Variants in LZTFL1 observed in about 807,000 individuals in gnomAD.
The protein encoded by LZTFL1 is leucine zipper transcription factor like 1.
Under a neutral mutation model 45.9 loss-of-function variants are expected in LZTFL1, and 25 were observed. The observed-to-expected ratio is 0.54, with a 90% confidence interval of 0.40 to 0.76. The LOEUF is 0.76. LZTFL1 is among the 30% of genes least tolerant of loss of function. LZTFL1 has a pLI of 0.00. For synonymous variants in LZTFL1, 93 were observed against 117.4 expected (o/e 0.79, Z 1.35); for missense variants, 277 against 331.1 (o/e 0.84, Z 1.27).
chr3:45,884,029 C>G (rs1219895894), intron 2 of LZTFL1: 2 of 220,492 alleles, frequency 9.1e-6, no homozygotes, highest in Non-Finnish European at 1.9e-5. Context: ...GAGATCTGAG[C>G]AGGTCTGACA....
intron 2 of LZTFL1, among the ~76,000 whole-genome samples, chr3:45,868,994 C>G (rs1184192370): frequency 6.6e-6 from 1 of 152,170 alleles, no homozygotes; most frequent in Non-Finnish European, 1.5e-5. Flanking sequence ...TTAATAAGAT[C>G]CCCACTTTGA....
intron 2 of LZTFL1, among the ~76,000 whole-genome samples, chr3:45,906,657 G>A (rs1702683704): frequency 6.6e-6 from 1 of 152,204 alleles, no homozygotes; most frequent in African/African-American, 2.4e-5. Flanking sequence ...AAGGACAATG[G>A]TGTCATCTTC....
Position 45,901,004 on chromosome 3 carries a change from C to T in LZTFL1, c.-215+12116G>A, listed in dbSNP as rs1317593454. 1.2e-6 allele frequency: 2 copies of T among 1,614,062 alleles called. No individual in the cohort carries two copies. The highest frequency in any genetic ancestry group is 1.1e-5 in the South Asian group (1 of 91,080). On this transcript the variant is annotated intron_variant, in intron 2 of 4. Coordinates refer to the LZTFL1 transcript ENST00000472635. The surrounding 1 kb of genome is among the most constrained non-coding windows in gnomAD (Gnocchi z 4.3). ...TGGGCAACAGTCTTGTTATCCTTGT[C>T]TACTGGTACTGCACAAGAGTGAAGA...
At chr3:45,907,753 G>T (rs1205751864) in intron 2 of LZTFL1, among the ~76,000 whole-genome samples, 10 of 152,136 alleles carry the variant, frequency 6.6e-5, no homozygotes, top group Non-Finnish European at 1.5e-4. Flanking sequence ...TAATTCGCTA[G>T]TATTCTTCTT....
intron 2 of LZTFL1, among the ~76,000 whole-genome samples, chr3:45,906,386 G>A (rs762990086): frequency 2.0e-5 from 3 of 152,170 alleles, no homozygotes; most frequent in Non-Finnish European, 4.4e-5. Flanking sequence ...GAGATACCAA[G>A]TAACTCATCT....
intron 2 of LZTFL1, chr3:45,883,831 G>C (rs953293077): frequency 7.5e-6 from 4 of 530,732 alleles, no homozygotes; most frequent in Non-Finnish European, 1.4e-5. Flanking sequence ...TTGCAGCCAC[G>C]GAGTAGGCCA....
At chr3:45,827,838 ATTC>A (rs1302625978) in intron 8 of LZTFL1, among the ~76,000 whole-genome samples, 7 of 152,046 alleles carry the variant, frequency 4.6e-5, no homozygotes, top group Non-Finnish European at 5.9e-5. Flanking sequence ...TAGCTCCCAT[ATTC>A]TTTTTTCCCA....
intron 2 of LZTFL1, among the ~76,000 whole-genome samples, chr3:45,907,627 G>C (rs1477688414): frequency 6.6e-6 from 1 of 152,180 alleles, no homozygotes; most frequent in Non-Finnish European, 1.5e-5. Context: ...GATGTGGCTC[G>C]CTGCGTGGGC....
At chr3:45,899,695 G>T (rs79587259) in intron 2 of LZTFL1, among the ~76,000 whole-genome samples, 1 of 152,090 alleles carries the variant, frequency 6.6e-6, no homozygotes, top group Non-Finnish European at 1.5e-5. Flanking sequence ...AAGTGAGAGC[G>T]CTTGAAGATC....
chr3:45,909,111 T>G (rs1448047541), intron 2 of LZTFL1, among the ~76,000 whole-genome samples: 1 of 152,202 alleles, frequency 6.6e-6, no homozygotes, highest in Non-Finnish European at 1.5e-5. Flanking sequence ...CTGTCTCCCA[T>G]TACCCCGATG....
intron 1 of LZTFL1, among the ~76,000 whole-genome samples, chr3:45,840,099 C>T (rs1701068331): frequency 6.6e-6 from 1 of 152,138 alleles, no homozygotes. Context: ...GTGCCTTGTG[C>T]CAGCAGGTGG....
intron 2 of LZTFL1, among the ~76,000 whole-genome samples, chr3:45,895,977 T>A (rs546173248): frequency 6.6e-5 from 10 of 152,334 alleles, no homozygotes; most frequent in Admixed American, 2.0e-4. Flanking sequence ...GTTTCCATGA[T>A]CTATGGAGAG....
At position 45,884,690 on chromosome 3, in the gene LZTFL1, G is replaced by A. The variant is rs945586545; in HGVS notation, c.-214-25674C>T. On this transcript the variant is annotated intron_variant, in intron 2 of 4. Coordinates refer to the LZTFL1 transcript ENST00000472635. ...GATGAGGAAACAGCCTGAGTCAAGAGAAGGGAGAAGCACAGGCTTTTCCTC... is the reference window on the plus strand; with the variant it reads ...GATGAGGAAACAGCCTGAGTCAAGAAAAGGGAGAAGCACAGGCTTTTCCTC... Among the ~76,000 whole-genome samples the A allele has an allele frequency of 7.3e-4, 111 of 152,292 alleles. 1 individual carries two copies. The highest frequency in any genetic ancestry group is 2.6e-3 in the African/African-American group (109 of 41,542).
intron 1 of LZTFL1, chr3:45,913,213 CTACT>C: frequency 7.2e-6 from 10 of 1,396,056 alleles, no homozygotes; most frequent in Non-Finnish European, 9.8e-6. Flanking sequence ...TTAAACAATG[CTACT>C]ATTGTTACTA....
chr3:45,831,940 A>G (rs189960073), intron 5 of LZTFL1, among the ~76,000 whole-genome samples: 4 of 152,160 alleles, frequency 2.6e-5, no homozygotes, highest in Admixed American at 2.0e-4. Flanking sequence ...TCCCAATAAA[A>G]CTATTACATT....
rs1559421433 is a variant in LZTFL1, at chr3:45,890,284, T to TATATATATAACATATA, written c.-215+22835_-215+22836insTATATGTTATATATAT. On this transcript the variant is annotated intron_variant, in intron 2 of 4. Coordinates refer to the LZTFL1 transcript ENST00000472635. ...ATATATATATAACATATATATATAT[T>TATATATATAACATATA]TATATAAATATATATATAACATATA... 3.7e-5 allele frequency among the ~76,000 whole-genome samples: 3 copies of TATATATATAACATATA among 81,872 alleles called. 1 individual carries two copies. The highest frequency in any genetic ancestry group is 5.6e-5 in the African/African-American group (1 of 17,734). The allele number at this position is 81,872 out of a possible 152,430, so 53.7% of individuals were successfully genotyped here. A position where few individuals can be genotyped will look rare whatever the true frequency, so the allele number is the denominator to read the frequency against.
At chr3:45,897,576 G>T in intron 2 of LZTFL1, 3 of 1,535,384 alleles carry the variant, frequency 2.0e-6, no homozygotes, top group Non-Finnish European at 2.6e-6. Context: ...TCCAGGCCCC[G>T]CTCCAGATCA....
At position 45,901,918 on chromosome 3, in the gene LZTFL1, A is replaced by G. The variant is rs1702573785; in HGVS notation, c.-215+11202T>C. On this transcript the variant is annotated intron_variant, in intron 2 of 4. Coordinates refer to the LZTFL1 transcript ENST00000472635. This position sits in a 1 kb window ranked among gnomAD's most constrained non-coding sequence, Gnocchi z 4.3. ...CTCTGAGGGGTCTTCTCTGAGGTGC[A>G]TGGTTCTTTTGGAAGAAATGAGAAA... is the stretch of plus-strand genomic sequence containing the variant. 1.3e-6 allele frequency: 2 copies of G among 1,538,080 alleles called. No homozygotes were observed. Among genetic ancestry groups the G allele is most frequent in the South Asian group, 2.5e-5 (2 of 79,264 alleles).
intron 2 of LZTFL1, among the ~76,000 whole-genome samples, chr3:45,896,958 C>G (rs539775571): frequency 6.6e-6 from 1 of 152,200 alleles, no homozygotes; most frequent in South Asian, 2.1e-4. Flanking sequence ...GAGAAGGAGG[C>G]CCTGGAAAGC....
Sources: allele counts gnomAD v4.1 joint callset (sites outside exome capture counted in the v4.1 genomes callset), GRCh38; gene constraint gnomAD v4.1.1; non-coding constraint Gnocchi (gnomAD v3.1); transcripts MANE v1.5; gene names NCBI Gene and HGNC (gene_info 2026-07-23, HGNC 2026-07-21).